TNIK: variants seen among roughly 807,000 people sequenced by gnomAD.
TNIK encodes TRAF2 and NCK interacting kinase, also known as TRAF2 and NCK-interacting protein kinase.
In TNIK, 49 loss-of-function variants were observed where a neutral mutation model predicts 191.3. The ratio of observed to expected loss-of-function variants is 0.26; its 90% CI spans 0.20 to 0.32. The LOEUF (loss-of-function observed/expected upper bound fraction) is 0.32, where lower values mean the gene tolerates loss of function less well. TNIK is among the 10% of genes least tolerant of loss of function. The probability of loss-of-function intolerance (pLI) is 1.00; values close to 1 mark genes in which losing one functional copy is unlikely to be tolerated. For synonymous variants in TNIK, 594 were observed against 600.9 expected (o/e 0.99, Z 0.17); for missense variants, 1,155 against 1,702.3 (o/e 0.68, Z 5.66).
intron 9 of TNIK, among the ~76,000 whole-genome samples, chr3:171,174,658 A>C (rs1358106024): frequency 1.3e-5 from 2 of 152,150 alleles, no homozygotes; most frequent in African/African-American, 4.8e-5. Context: ...ACTAGTATTC[A>C]TGTAGTAGTT....
intron 1 of TNIK, among the ~76,000 whole-genome samples, chr3:171,380,306 C>A (rs989325466): frequency 1.3e-5 from 2 of 152,078 alleles, no homozygotes; most frequent in East Asian, 3.9e-4. Flanking sequence ...AATATTTTGG[C>A]CTTTTGCCTT....
intron 12 of TNIK, among the ~76,000 whole-genome samples, chr3:171,145,277 G>A (rs948578407): frequency 3.3e-5 from 5 of 151,982 alleles, no homozygotes; most frequent in Non-Finnish European, 1.5e-5. Context: ...TAGTAGAGAC[G>A]GGGTATCACC....
rs192367868 is a variant in TNIK at position 171,187,723 on chromosome 3, G to A, written c.639+979C>T. On this transcript the variant is annotated intron_variant, in intron 7 of 32. Transcript: ENST00000436636. ...CTAACTCTGAGAGGATTGCTAACCCGGTGAGCACCTGCAGACCTCGGCCTC... is the reference window on the plus strand; with the variant it reads ...CTAACTCTGAGAGGATTGCTAACCCAGTGAGCACCTGCAGACCTCGGCCTC... Among the ~76,000 whole-genome samples the A allele has an allele frequency of 3.0e-3, 454 of 152,238 alleles. 3 individuals carry two copies. The highest frequency in any genetic ancestry group is 5.4e-3 in the Non-Finnish European group (368 of 68,010).
chr3:171,169,154 A>T (rs1232958169), intron 9 of TNIK, among the ~76,000 whole-genome samples: 3 of 152,258 alleles, frequency 2.0e-5, no homozygotes, highest in African/African-American at 7.2e-5. Context: ...AAAAATCAGT[A>T]TTAAAAAGAT....
Position 171,084,339 on chromosome 3 carries a change from A to T in TNIK, c.2999-14T>A, listed in dbSNP as rs1721072696. The T allele has an allele frequency of 3.1e-6, 5 of 1,605,884 alleles. No homozygotes were observed. Among genetic ancestry groups the T allele is most frequent in the African/African-American group, 2.7e-5 (2 of 74,836 alleles). On this transcript the variant is annotated splice_polypyrimidine_tract_variant and intron_variant, in intron 25 of 32. Coordinates refer to ENST00000436636, the MANE Select transcript of TNIK (RefSeq NM_015028.4). ...TAGTAAACAGAGCTTTGAGAAAAAGAATCAGAGAAGTCAGTGACATCTTAA... is the reference window on the plus strand; with the variant it reads ...TAGTAAACAGAGCTTTGAGAAAAAGTATCAGAGAAGTCAGTGACATCTTAA...
chr3:171,242,513 A>ATTT (rs11444884), intron 2 of TNIK, among the ~76,000 whole-genome samples: 1 of 145,056 alleles, frequency 6.9e-6, no homozygotes, highest in African/African-American at 2.5e-5. Context: ...ATCAATCTGC[A>ATTT]TTTTTTTTTT....
chr3:171,260,690 G>C (rs1747492907), intron 2 of TNIK, among the ~76,000 whole-genome samples: 1 of 152,198 alleles, frequency 6.6e-6, no homozygotes. Flanking sequence ...GTTGTTTTTA[G>C]CTAAATTTTC....
chr3:171,222,602 C>A (rs1742493415), intron 3 of TNIK, among the ~76,000 whole-genome samples: 1 of 152,090 alleles, frequency 6.6e-6, no homozygotes, highest in Non-Finnish European at 1.5e-5. Flanking sequence ...TCCAAACAAC[C>A]CAAGATGAAA....
chr3:171,306,053 G>A (rs1355442679), intron 2 of TNIK, among the ~76,000 whole-genome samples: 1 of 152,180 alleles, frequency 6.6e-6, no homozygotes, highest in Non-Finnish European at 1.5e-5. Context: ...ACTAGATCAT[G>A]TCCTTGGCAG....
intron 15 of TNIK, among the ~76,000 whole-genome samples, chr3:171,137,842 A>G (rs572022927): frequency 6.6e-6 from 1 of 152,280 alleles, no homozygotes; most frequent in African/African-American, 2.4e-5. Flanking sequence ...CCTTAATCAC[A>G]TTATTCAACA....
rs188530543 is a variant in TNIK at position 171,409,367 on chromosome 3, C to T, written c.58-39682G>A. 1.1e-4 allele frequency among the ~76,000 whole-genome samples: 17 copies of T among 152,224 alleles called. 2 individuals carry two copies. The highest frequency in any genetic ancestry group is 3.9e-4 in the East Asian group (2 of 5,172). On this transcript the variant is annotated intron_variant, in intron 1 of 32. Coordinates refer to ENST00000436636, the MANE Select transcript of TNIK (RefSeq NM_015028.4). ...CGGCACATGGAAGGTATTTGATAAA[C>T]GATATTTACACCATCTGTAGGAACA...
At chr3:171,447,319 AAC>A (rs1491058671) in intron 1 of TNIK, among the ~76,000 whole-genome samples, 2 of 151,992 alleles carry the variant, frequency 1.3e-5, no homozygotes, top group African/African-American at 4.8e-5. Flanking sequence ...AAAAAAAAAA[AAC>A]ACGTTATAAT....
intron 12 of TNIK, among the ~76,000 whole-genome samples, chr3:171,156,179 C>T (rs1034139317): frequency 9.9e-5 from 15 of 152,152 alleles, no homozygotes; most frequent in African/African-American, 3.6e-4. Flanking sequence ...AGCATCCTGC[C>T]TGGTACTTGA....
intron 12 of TNIK, among the ~76,000 whole-genome samples, chr3:171,152,002 C>G (rs959895587): frequency 1.3e-5 from 2 of 152,060 alleles, no homozygotes; most frequent in African/African-American, 2.4e-5. Flanking sequence ...GAATGGTGAC[C>G]GGGCATGGTG....
Position 171,061,360 on chromosome 3 carries a change from ATTG to A in TNIK, c.*2518_*2520del, listed in dbSNP as rs1176113451. On this transcript the variant is annotated 3_prime_UTR_variant, in exon 33 of 33. Coordinates refer to ENST00000436636, the MANE Select transcript of TNIK (RefSeq NM_015028.4). ...TGGCTTGATGTTTAACGTGTGTTTT[ATTG>A]TTGTTGGCACCAGAAAAGCTCATGT... 4.6e-5 allele frequency: 7 copies of A among 152,272 alleles called. No homozygotes were observed. The highest frequency in any genetic ancestry group is 1.3e-4 in the Admixed American group (2 of 15,298). The allele number at this position is 152,272 out of a possible 1,614,324, so 9.4% of individuals were successfully genotyped here. A position where few individuals can be genotyped will look rare whatever the true frequency, so the allele number is the denominator to read the frequency against.
chr3:171,435,929 G>A (rs950756344), intron 1 of TNIK, among the ~76,000 whole-genome samples: 2 of 152,194 alleles, frequency 1.3e-5, no homozygotes, highest in Non-Finnish European at 2.9e-5. Context: ...CAGACATGAA[G>A]TGATATGGCT....
At chr3:171,439,449 A>C (rs1176247183) in intron 1 of TNIK, 1 of 152,038 alleles carries the variant, frequency 6.6e-6, no homozygotes, top group Non-Finnish European at 1.5e-5. Context: ...TTCCACATCT[A>C]TAAAATTAGA....
intron 12 of TNIK, among the ~76,000 whole-genome samples, chr3:171,145,086 C>CTG: frequency 8.8e-6 from 1 of 113,908 alleles, no homozygotes; most frequent in Non-Finnish European, 1.7e-5. Context: ...AGCTATCTCT[C>CTG]TCTTTTTTTT....
At chr3:171,161,555 C>T (rs889633462) in intron 10 of TNIK, among the ~76,000 whole-genome samples, 2 of 152,106 alleles carry the variant, frequency 1.3e-5, no homozygotes, top group Non-Finnish European at 2.9e-5. Context: ...GTCCCCAGTG[C>T]CTAGTGTTCA....
Sources: gnomAD v4.1 joint callset for allele counts (sites outside exome capture counted in the v4.1 genomes callset) on GRCh38, gnomAD v4.1.1 for gene constraint, MANE v1.5 for transcripts, NCBI Gene and HGNC (gene_info 2026-07-23, HGNC 2026-07-21) for gene names.